The following ZNF385D variants were observed in gnomAD, a reference collection of about 807,000 sequenced individuals.
ZNF385D encodes zinc finger protein 659.
A neutral mutation model predicts 35.8 loss-of-function variants in ZNF385D; 15 were observed. The ratio of observed to expected loss-of-function variants is 0.42; its 90% CI spans 0.28 to 0.64. The LOEUF (loss-of-function observed/expected upper bound fraction) is 0.64, where lower values mean the gene tolerates loss of function less well. Among genes scored for constraint, ZNF385D ranks in the 30% least tolerant of loss-of-function variants. ZNF385D has a pLI of 0.23. For missense variants in ZNF385D, 474 were observed against 494.6 expected, an observed-to-expected ratio of 0.96 and a Z score of 0.39; for synonymous variants, 212 against 186.8, an observed-to-expected ratio of 1.13 and a Z score of -1.10.
chr3:21,578,224 TTAATCCCTTGTTGAATG>T (rs1202482034), intron 2 of ZNF385D, among the ~76,000 whole-genome samples: 1 of 152,186 alleles, frequency 6.6e-6, no homozygotes, highest in Non-Finnish European at 1.5e-5. Flanking sequence ...ATTACGGATA[TTAATCCCTTGTTGAATG>T]AATAGTTTGC....
At chr3:21,767,437 C>G (rs894657699) in intron 3 of ZNF385D, among the ~76,000 whole-genome samples, 12 of 152,132 alleles carry the variant, frequency 7.9e-5, no homozygotes, top group African/African-American at 2.9e-4. Flanking sequence ...TTGCTGATAA[C>G]TCTTTTACAT....
chr3:22,171,498 T>C (rs972650828), intron 2 of ZNF385D, among the ~76,000 whole-genome samples: 4 of 152,058 alleles, frequency 2.6e-5, no homozygotes, highest in African/African-American at 9.7e-5. Flanking sequence ...ATGACAACTT[T>C]AAAAGGAAAT....
intron 3 of ZNF385D, among the ~76,000 whole-genome samples, chr3:21,563,953 A>ATAAC (rs1407553346): frequency 6.6e-6 from 1 of 152,166 alleles, no homozygotes; most frequent in Non-Finnish European, 1.5e-5. Flanking sequence ...AAAGGTGTGA[A>ATAAC]TAACTCCCTG....
intron 1 of ZNF385D, among the ~76,000 whole-genome samples, chr3:21,730,107 G>GAC (rs1286360453): frequency 6.6e-6 from 1 of 152,214 alleles, no homozygotes; most frequent in Non-Finnish European, 1.5e-5. Context: ...CGAAGAGACA[G>GAC]ACACACGCAT....
intron 3 of ZNF385D, among the ~76,000 whole-genome samples, chr3:21,933,300 G>A (rs1701104107): frequency 6.6e-6 from 1 of 152,040 alleles, no homozygotes; most frequent in Admixed American, 6.6e-5. Context: ...AGCTTCTTTT[G>A]TTTCTCTGTC....
intron 2 of ZNF385D, among the ~76,000 whole-genome samples, chr3:22,246,637 TCAAA>T (rs1699797272): frequency 6.6e-6 from 1 of 152,068 alleles, no homozygotes; most frequent in Non-Finnish European, 1.5e-5. Flanking sequence ...GTACACTAAA[TCAAA>T]CAAAAAGAAA....
At chr3:22,234,249 TCTC>T (rs1168835987) in intron 2 of ZNF385D, among the ~76,000 whole-genome samples, 1 of 152,102 alleles carries the variant, frequency 6.6e-6, no homozygotes, top group Admixed American at 6.5e-5. Flanking sequence ...TCCCCTTTCA[TCTC>T]CTCAATGTAT....
At chr3:22,212,098 T>C (rs1331801948) in intron 2 of ZNF385D, among the ~76,000 whole-genome samples, 1 of 152,000 alleles carries the variant, frequency 6.6e-6, no homozygotes, top group East Asian at 1.9e-4. Flanking sequence ...GCTTTTTTCT[T>C]CACAAACCTC....
rs148247608 is a variant in ZNF385D, at chr3:21,694,421, A to T, written c.23-29393T>A. ...TTCTGGTACACACTCAAAAAGCACC[A>T]GAAAAAAGTGGAAGGAGCTCAGGTT... is the stretch of plus-strand genomic sequence containing the variant. On this transcript the variant is annotated intron_variant, in intron 1 of 7. Transcript: ENST00000281523. Among the ~76,000 whole-genome samples, 9 of 152,272 alleles carry T rather than the reference A, an allele frequency of 5.9e-5. No individual in the cohort carries two copies. In the East Asian group the frequency reaches 1.7e-3, roughly 30 times the overall value.
intron 2 of ZNF385D, among the ~76,000 whole-genome samples, chr3:22,272,671 G>A (rs1701236912): frequency 6.6e-6 from 1 of 151,864 alleles, no homozygotes; most frequent in South Asian, 2.1e-4. Context: ...ATTCCTCTTA[G>A]GATATTGTCA....
chr3:21,621,658 T>G (rs1372322917), intron 2 of ZNF385D, among the ~76,000 whole-genome samples: 1 of 148,770 alleles, frequency 6.7e-6, no homozygotes, highest in Non-Finnish European at 1.5e-5. Flanking sequence ...AAATGTCCAC[T>G]TGGCTAATAA....
chr3:21,736,517 G>C (rs1172330886), intron 1 of ZNF385D, among the ~76,000 whole-genome samples: 2 of 152,170 alleles, frequency 1.3e-5, no homozygotes, highest in African/African-American at 4.8e-5. Context: ...ACTACCTTCA[G>C]AGATCTTTCA....
At chr3:22,151,819 G>A (rs746715330) in intron 3 of ZNF385D, among the ~76,000 whole-genome samples, 2 of 152,020 alleles carry the variant, frequency 1.3e-5, no homozygotes, top group Non-Finnish European at 2.9e-5. Context: ...AACCACAAGG[G>A]CTAGAAGAAA....
chr3:22,280,240 T>C (rs1176597906), intron 2 of ZNF385D, among the ~76,000 whole-genome samples: 2 of 152,136 alleles, frequency 1.3e-5, no homozygotes, highest in Admixed American at 6.6e-5. Flanking sequence ...TGTACTCTGT[T>C]GATTGTTTCT....
chr3:22,231,045 C>CA (rs1295197068), intron 2 of ZNF385D, among the ~76,000 whole-genome samples: 10 of 152,134 alleles, frequency 6.6e-5, no homozygotes, highest in African/African-American at 2.4e-4. Context: ...GAGAAAATGA[C>CA]AAAAAACAGC....
intron 3 of ZNF385D, among the ~76,000 whole-genome samples, chr3:21,786,325 C>T (rs761491209): frequency 2.6e-5 from 4 of 152,074 alleles, no homozygotes; most frequent in African/African-American, 4.8e-5. Context: ...TGTTTTTGAC[C>T]GTCCCAGTCC....
At chr3:21,886,738 T>G (rs1168103194) in intron 3 of ZNF385D, among the ~76,000 whole-genome samples, 1 of 152,166 alleles carries the variant, frequency 6.6e-6, no homozygotes, top group Admixed American at 6.6e-5. Flanking sequence ...AATTATAAGC[T>G]GATGGGATTT....
In ZNF385D at chr3:21,953,464, T is replaced by A. The variant is rs376438773; in HGVS notation, c.325+215353A>T. On this transcript the variant is annotated intron_variant, in intron 3 of 5. Transcript: ENST00000494108. Reference sequence around the variant, plus strand: ...ATATTTGAAACTTCCTGAACAAATATAATTTCAGCAAGATTAAATATTTAC... The same window carrying A: ...ATATTTGAAACTTCCTGAACAAATAAAATTTCAGCAAGATTAAATATTTAC... 3.9e-5 allele frequency among the ~76,000 whole-genome samples: 6 copies of A among 152,202 alleles called. No homozygotes were observed. The South Asian group carries it at 1.0e-3, about 26-fold the overall frequency.
intron 3 of ZNF385D, among the ~76,000 whole-genome samples, chr3:21,888,588 G>A (rs1020560393): frequency 1.3e-5 from 2 of 152,042 alleles, no homozygotes; most frequent in East Asian, 1.9e-4. Context: ...GGAAACAGAA[G>A]ATTAAGAATT....
Sources: allele counts gnomAD v4.1 joint callset (sites outside exome capture counted in the v4.1 genomes callset), GRCh38; gene constraint gnomAD v4.1.1; transcripts MANE v1.5; gene names NCBI Gene and HGNC (gene_info 2026-07-23, HGNC 2026-07-21).